The following MSI2 variants were observed in gnomAD, a reference collection of about 807,000 sequenced individuals.
The protein encoded by MSI2 is musashi RNA binding protein 2, also known as RNA-binding protein Musashi homolog 2.
Under a neutral mutation model 45.6 loss-of-function variants are expected in MSI2, and 17 were observed. The ratio of observed to expected loss-of-function variants is 0.37; its 90% CI spans 0.26 to 0.56. MSI2 has a LOEUF of 0.56. Ranked by LOEUF, MSI2 falls within the 20% of genes least tolerant of loss-of-function variation. The probability of loss-of-function intolerance (pLI) is 0.77; values close to 1 mark genes in which losing one functional copy is unlikely to be tolerated. For missense variants in MSI2, 293 were observed against 444.2 expected (o/e 0.66, Z 3.06); for synonymous variants, 156 against 158.2 (o/e 0.99, Z 0.11).
In MSI2 at chr17:57,298,465, C is replaced by T. The variant is rs149191262; in HGVS notation, c.312+36273C>T. ...TTGCACCTGTAATCCCAGCACTTTG[C>T]GAGGCCAAGGTGGGAGTTTGAGACC... On this transcript the variant is annotated intron_variant, in intron 5 of 13. Coordinates refer to ENST00000284073, the MANE Select transcript of MSI2 (RefSeq NM_138962.4). Among the ~76,000 whole-genome samples the T allele has an allele frequency of 5.3e-3, 808 of 152,150 alleles. 4 individuals are homozygous for T. The highest frequency in any genetic ancestry group is 8.8e-3 in the Non-Finnish European group (595 of 67,990).
intron 11 of MSI2, among the ~76,000 whole-genome samples, chr17:57,674,139 G>A (rs964611870): frequency 6.0e-5 from 9 of 149,476 alleles, no homozygotes; most frequent in South Asian, 2.1e-4. Flanking sequence ...ACTCTCTGCC[G>A]CCATCATTAC....
At chr17:57,504,641 GA>G (rs1219660220) in intron 6 of MSI2, among the ~76,000 whole-genome samples, 1 of 152,150 alleles carries the variant, frequency 6.6e-6, no homozygotes, top group East Asian at 1.9e-4. Context: ...GAGAGTTGTA[GA>G]AAAAGTGGCT....
downstream of MSI2, among the ~76,000 whole-genome samples, chr17:57,687,105 A>T (rs897545576): frequency 7.2e-6 from 1 of 138,474 alleles, no homozygotes; most frequent in African/African-American, 2.9e-5. Flanking sequence ...TCAGAGAGAA[A>T]AGTTAAAAAA....
chr17:57,315,565 A>C (rs1360686517), intron 5 of MSI2, among the ~76,000 whole-genome samples: 5 of 152,156 alleles, frequency 3.3e-5, no homozygotes, highest in African/African-American at 1.2e-4. Context: ...CCCACTCCTC[A>C]GAAAGGATGC....
intron 9 of MSI2, chr17:57,626,188 A>C (rs76404873): frequency 0.012 from 1,764 of 151,778 alleles, 45 homozygotes; most frequent in African/African-American, 0.04. Flanking sequence ...TTCACCTCCA[A>C]AGTCAAAGCG....
At chr17:57,267,946 C>G (rs1320504684) in intron 5 of MSI2, 2 of 152,142 alleles carry the variant, frequency 1.3e-5, no homozygotes, top group Non-Finnish European at 2.9e-5. Flanking sequence ...TCTGCACTGC[C>G]CTTCCCTTCT....
chr17:57,393,031 T>G (rs2083823466), intron 5 of MSI2, among the ~76,000 whole-genome samples: 1 of 152,166 alleles, frequency 6.6e-6, no homozygotes, highest in African/African-American at 2.4e-5. Context: ...CCGCATACCC[T>G]TTAGCCATCA....
At chr17:57,528,440 C>A (rs2086750622) in intron 6 of MSI2, among the ~76,000 whole-genome samples, 1 of 152,118 alleles carries the variant, frequency 6.6e-6, no homozygotes, top group African/African-American at 2.4e-5. Flanking sequence ...AAGGGATTAG[C>A]AAGAGAGACA....
At chr17:57,448,765 G>A (rs1034966778) in intron 6 of MSI2, 2 of 152,252 alleles carry the variant, frequency 1.3e-5, no homozygotes, top group African/African-American at 4.8e-5. Flanking sequence ...GTGAGGGGCA[G>A]CAAGGGAAGC....
chr17:57,636,177 G>C (rs968155321), intron 10 of MSI2, among the ~76,000 whole-genome samples: 5 of 152,128 alleles, frequency 3.3e-5, no homozygotes, highest in African/African-American at 1.2e-4. Flanking sequence ...CTGAGGGGTA[G>C]GGCTTGGATG....
intron 6 of MSI2, among the ~76,000 whole-genome samples, chr17:57,415,275 A>T (rs1172642576): frequency 1.3e-5 from 2 of 152,150 alleles, no homozygotes; most frequent in Non-Finnish European, 2.9e-5. Context: ...ATGTTGAGAA[A>T]TCTGGCTGTG....
At chr17:57,645,204 G>A (rs113619228) in intron 10 of MSI2, among the ~76,000 whole-genome samples, 81 of 152,266 alleles carry the variant, frequency 5.3e-4, no homozygotes, top group African/African-American at 1.9e-3. Context: ...GCAGGGTTGG[G>A]GCCAGGGTTA....
chr17:57,371,686 C>G (rs1480414400), intron 5 of MSI2, among the ~76,000 whole-genome samples: 1 of 151,834 alleles, frequency 6.6e-6, no homozygotes, highest in Non-Finnish European at 1.5e-5. Flanking sequence ...CTTTATTTGA[C>G]CAAAGCCTGT....
At chr17:57,403,059 A>G (rs1002100546) in intron 6 of MSI2, among the ~76,000 whole-genome samples, 2 of 152,186 alleles carry the variant, frequency 1.3e-5, no homozygotes, top group South Asian at 2.1e-4. Context: ...CCTCTTTGCT[A>G]TCTTTCTGCT....
chr17:57,539,043 A>T (rs950652174), intron 7 of MSI2, among the ~76,000 whole-genome samples: 1 of 152,268 alleles, frequency 6.6e-6, no homozygotes, highest in Admixed American at 6.5e-5. Flanking sequence ...GCACACGTGC[A>T]TATCATATGC....
At chr17:57,366,598 T>C (rs1917212742) in intron 5 of MSI2, among the ~76,000 whole-genome samples, 1 of 152,234 alleles carries the variant, frequency 6.6e-6, no homozygotes, top group Non-Finnish European at 1.5e-5. Flanking sequence ...CTGGGTACCC[T>C]TGGCCTTGTC....
At chr17:57,658,806 T>G (rs1911783958) in intron 11 of MSI2, among the ~76,000 whole-genome samples, 1 of 152,154 alleles carries the variant, frequency 6.6e-6, no homozygotes, top group South Asian at 2.1e-4. Flanking sequence ...GCTCAGGAGC[T>G]CAGGCCCAGC....
chr17:57,555,977 A>G (rs2087427324), intron 7 of MSI2, among the ~76,000 whole-genome samples: 1 of 152,212 alleles, frequency 6.6e-6, no homozygotes, highest in South Asian at 2.1e-4. Context: ...CCTGGAGACC[A>G]TGCCTCAGGC....
intron 12 of MSI2, among the ~76,000 whole-genome samples, chr17:57,676,075 C>A (rs1913207347): frequency 2.6e-5 from 4 of 152,232 alleles, no homozygotes; most frequent in Admixed American, 2.6e-4. Context: ...AGGCCACGTT[C>A]CTGTCAGACT....
Sources: allele counts gnomAD v4.1 joint callset (sites outside exome capture counted in the v4.1 genomes callset), GRCh38; gene constraint gnomAD v4.1.1; transcripts MANE v1.5; gene names NCBI Gene and HGNC (gene_info 2026-07-23, HGNC 2026-07-21).